DHX36: variants seen among roughly 807,000 people sequenced by gnomAD.
The protein encoded by DHX36 is ATP-dependent DNA/RNA helicase DHX36.
DHX36 carries 50 observed loss-of-function variants against 139.0 expected under a neutral mutation model. The observed-to-expected ratio is 0.36, with a 90% CI of 0.29 to 0.46. The LOEUF (loss-of-function observed/expected upper bound fraction) is 0.46. DHX36 is among the 20% of genes least tolerant of loss of function. The pLI, the probability that DHX36 is intolerant of heterozygous loss-of-function variation, is 1.00. For missense variants in DHX36, 1,024 were observed against 1,211.3 expected (o/e 0.85, Z 2.29); for synonymous variants, 425 against 401.9 (o/e 1.06, Z -0.69).
rs1042222934 is a variant in DHX36, at chr3:154,275,980, A to G, written c.*191T>C. 30 of 42,752 alleles carry G rather than the reference A, an allele frequency of 7.0e-4. 1 individual carries two copies. Among genetic ancestry groups the G allele is most frequent in the Middle Eastern group, 0.014 (1 of 70 alleles). The allele number at this position is 42,752 out of a possible 1,614,324, so 2.6% of individuals were successfully genotyped here. A position where few individuals can be genotyped will look rare whatever the true frequency, so the allele number is the denominator to read the frequency against. ...TCAGAGAACATATTGCTTTTATGGT[A>G]TATATATATATATATATATATCTCT... On this transcript the variant is annotated 3_prime_UTR_variant, in exon 25 of 25. Coordinates refer to ENST00000496811, the MANE Select transcript of DHX36 (RefSeq NM_020865.3).
chr3:154,314,380 T>C (rs949452895), intron 3 of DHX36, among the ~76,000 whole-genome samples: 9 of 152,310 alleles, frequency 5.9e-5, no homozygotes, highest in Admixed American at 2.0e-4. Flanking sequence ...GCTATATCCT[T>C]CCTTTATCAA....
intron 24 of DHX36, 133 bp from the exon 25 acceptor site, chr3:154,276,489 A>G (rs1719153838): frequency 5.6e-6 from 5 of 899,464 alleles, no homozygotes; most frequent in Non-Finnish European, 8.3e-6. Context: ...TTAGTGAGCA[A>G]TCAACTAAAG....
intron 12 of DHX36, among the ~76,000 whole-genome samples, chr3:154,297,732 G>GT (rs1218884346): frequency 6.6e-6 from 1 of 151,126 alleles, no homozygotes; most frequent in Non-Finnish European, 1.5e-5. Flanking sequence ...AAAGTCTCTA[G>GT]TTTTTTTGTA....
intron 10 of DHX36, 95 bp downstream of exon 10, chr3:154,300,891 CT>C (rs1712242988): frequency 6.6e-6 from 10 of 1,525,558 alleles, no homozygotes; most frequent in Non-Finnish European, 8.9e-6. Flanking sequence ...CAATGCTCTC[CT>C]TTAAGTACGT....
At chr3:154,278,644 T>A (rs1465459215) in intron 22 of DHX36, 1 of 152,008 alleles carries the variant, frequency 6.6e-6, no homozygotes, top group Non-Finnish European at 1.5e-5. Flanking sequence ...CATACCCAAT[T>A]AGTTTTTGTA....
At chr3:154,303,610 G>A (rs1368759908) in intron 8 of DHX36, among the ~76,000 whole-genome samples, 200 bp from the exon 9 acceptor site, 3 of 152,158 alleles carry the variant, frequency 2.0e-5, no homozygotes, top group Middle Eastern at 3.4e-3. Flanking sequence ...CCATTTTACT[G>A]CTACCAAACT....
At chr3:154,283,069 C>G in intron 20 of DHX36, 119 bp downstream of exon 20, 1 of 694,122 alleles carries the variant, frequency 1.4e-6, no homozygotes, top group Non-Finnish European at 2.6e-6. Flanking sequence ...TGTATATATA[C>G]AAATATACTC....
chr3:154,300,943 T>G (rs1712249058), intron 10 of DHX36, 44 bp downstream of exon 10: 6 of 1,600,310 alleles, frequency 3.7e-6, no homozygotes, highest in African/African-American at 1.4e-5. Flanking sequence ...GCTTTTTGTT[T>G]TATTTAGCCA....
At chr3:154,308,910 G>A (rs1224357701) in intron 5 of DHX36, among the ~76,000 whole-genome samples, 1 of 152,066 alleles carries the variant, frequency 6.6e-6, no homozygotes, top group African/African-American at 2.4e-5. Flanking sequence ...GACTATGGCT[G>A]GACACAGAGA....
chr3:154,307,109 ATGCAATTTCC>A (rs1439413565), intron 5 of DHX36, among the ~76,000 whole-genome samples: 1 of 152,172 alleles, frequency 6.6e-6, no homozygotes, highest in African/African-American at 2.4e-5. Context: ...CTGTAATTTT[ATGCAATTTCC>A]TGGAATATAG....
intron 4 of DHX36, among the ~76,000 whole-genome samples, chr3:154,310,826 T>TATATATGTATATAC (rs1712727765): frequency 6.4e-5 from 2 of 31,090 alleles, no homozygotes; most frequent in African/African-American, 3.7e-4. Context: ...TATATATATA[T>TATATATGTATATAC]ATATATATAT....
intron 15 of DHX36, among the ~76,000 whole-genome samples, chr3:154,291,134 CAAAAAAAAAAAAAAAA>C (rs71152798): frequency 6.6e-5 from 4 of 61,050 alleles, no homozygotes; most frequent in Non-Finnish European, 1.2e-4. Context: ...GACTCCGTCT[CAAAAAAAAAAAAAAAA>C]AAAAAAAAAA....
chr3:154,318,076 C>T (rs890872162), intron 1 of DHX36, among the ~76,000 whole-genome samples: 1 of 152,018 alleles, frequency 6.6e-6, no homozygotes, highest in Non-Finnish European at 1.5e-5. Flanking sequence ...ATCTTTAAGA[C>T]AAGAGACAGG....
Position 154,324,485 on chromosome 3 carries a change from T to G in DHX36, c.-69A>C. On this transcript the variant is annotated 5_prime_UTR_variant, in exon 1 of 25. Transcript: ENST00000496811. ...AATGGCGTCCGGGCCCGGAAGCCAC[T>G]GTGCGCCCACTTCCGTTTTGCTTCC... The G allele has an allele frequency of 4.9e-6, 7 of 1,429,700 alleles. No individual in the cohort carries two copies. The highest frequency in any genetic ancestry group is 6.4e-6 in the Non-Finnish European group (7 of 1,095,448). 88.6% of individuals were successfully genotyped at this position (1,429,700 alleles called of 1,614,324 possible).
At chr3:154,323,532 C>A (rs1452538003) in intron 1 of DHX36, among the ~76,000 whole-genome samples, 1 of 152,156 alleles carries the variant, frequency 6.6e-6, no homozygotes, top group African/African-American at 2.4e-5. Flanking sequence ...AGACACAAAT[C>A]AACCTGACAA....
intron 12 of DHX36, among the ~76,000 whole-genome samples, chr3:154,297,709 C>CAA (rs554782478): frequency 1.1e-5 from 1 of 90,174 alleles, no homozygotes; most frequent in Non-Finnish European, 2.3e-5. Flanking sequence ...GACTCCACCT[C>CAA]AAAAAAAAAA....
intron 13 of DHX36, among the ~76,000 whole-genome samples, chr3:154,294,825 G>A (rs355762): frequency 0.68 from 103,391 of 152,058 alleles, 35,990 homozygotes; most frequent in South Asian, 0.77. Context: ...TTAGGAAAGC[G>A]CCTGTATCTG....
chr3:154,302,826 C>G (rs1029252554), intron 9 of DHX36, among the ~76,000 whole-genome samples: 17 of 152,126 alleles, frequency 1.1e-4, no homozygotes, highest in African/African-American at 4.1e-4. Context: ...ACCTGTAATA[C>G]CAGGACTTTG....
chr3:154,323,662 A>G (rs1363540105), intron 1 of DHX36, among the ~76,000 whole-genome samples: 1 of 152,212 alleles, frequency 6.6e-6, no homozygotes, highest in African/African-American at 2.4e-5. Flanking sequence ...ACAAAAACCT[A>G]GGTTTGCAGA....
Sources: allele counts gnomAD v4.1 joint callset (sites outside exome capture counted in the v4.1 genomes callset), GRCh38; gene constraint gnomAD v4.1.1; transcripts MANE v1.5; gene names NCBI Gene and HGNC (gene_info 2026-07-23, HGNC 2026-07-21).